MUSK: variants seen among roughly 807,000 people sequenced by gnomAD.
The protein encoded by MUSK is muscle associated receptor tyrosine kinase.
A neutral mutation model predicts 88.7 loss-of-function variants in MUSK; 55 were observed. That is an observed-to-expected ratio of 0.62 (90% CI 0.50 to 0.78). The LOEUF (loss-of-function observed/expected upper bound fraction) is 0.78, where lower values mean the gene tolerates loss of function less well. Among genes scored for constraint, MUSK ranks in the 30% least tolerant of loss-of-function variants. The pLI, the probability that MUSK is intolerant of heterozygous loss-of-function variation, is 0.00. For missense variants in MUSK, 1,015 were observed against 1,074.3 expected (o/e 0.94, Z 0.77); for synonymous variants, 387 against 391.9 (o/e 0.99, Z 0.15).
chr9:110,789,473 A>C (rs1356495530), intron 14 of MUSK, among the ~76,000 whole-genome samples: 1 of 152,166 alleles, frequency 6.6e-6, no homozygotes, highest in Non-Finnish European at 1.5e-5. Context: ...AGAGAGTGGG[A>C]ATTCATTTAA....
rs1391906131 is a variant in MUSK at position 110,802,706 on chromosome 9, G to T, written c.*1718G>T. On this transcript the variant is annotated 3_prime_UTR_variant, in exon 15 of 15. Coordinates refer to ENST00000374448, the MANE Select transcript of MUSK (RefSeq NM_005592.4). ...ACATCCTCTTCCCTTCAACCCAAGA[G>T]CCAATGACTCAACCTCTACCGTTGC... 6.6e-6 allele frequency among the ~76,000 whole-genome samples: 1 copy of T among 152,108 alleles called. No homozygotes were observed. The highest frequency in any genetic ancestry group is 2.4e-5 in the African/African-American group (1 of 41,412).
chr9:110,789,516 C>T (rs1480636274), intron 14 of MUSK, among the ~76,000 whole-genome samples: 3 of 152,154 alleles, frequency 2.0e-5, no homozygotes, highest in Admixed American at 6.5e-5. Flanking sequence ...CTGTGGCTCA[C>T]GCCTGTAATT....
At chr9:110,762,176 G>A (rs1166038537) in intron 7 of MUSK, 26 bp from the exon 8 acceptor site, 1 of 1,434,196 alleles carries the variant, frequency 7.0e-7, no homozygotes, top group Admixed American at 2.3e-5. Context: ...TTGACTTCCT[G>A]TGGGAACTTC....
At chr9:110,678,605 T>G (rs1391545205) in intron 1 of MUSK, among the ~76,000 whole-genome samples, 1 of 152,202 alleles carries the variant, frequency 6.6e-6, no homozygotes, top group Admixed American at 6.5e-5. Flanking sequence ...CACCCTTTAC[T>G]ACATGTGAAC....
At chr9:110,738,570 C>T (rs1218131684) in intron 6 of MUSK, among the ~76,000 whole-genome samples, 1 of 152,166 alleles carries the variant, frequency 6.6e-6, no homozygotes, top group African/African-American at 2.4e-5. Flanking sequence ...TTCCTCCCTT[C>T]TCAGGGATAT....
chr9:110,746,656 G>A (rs1489232444), intron 6 of MUSK, among the ~76,000 whole-genome samples: 1 of 152,168 alleles, frequency 6.6e-6, no homozygotes, highest in Non-Finnish European at 1.5e-5. Context: ...AAGGACATTT[G>A]ATTTTCTGGT....
At chr9:110,738,807 T>C (rs1046048010) in intron 6 of MUSK, among the ~76,000 whole-genome samples, 1 of 152,164 alleles carries the variant, frequency 6.6e-6, no homozygotes, top group Non-Finnish European at 1.5e-5. Flanking sequence ...CTTACCCTCA[T>C]AGACCTATTC....
rs1395289073 is a variant in MUSK at position 110,800,534 on chromosome 9, G to GT, written c.2157dup (p.Lys720Ter). ...GCTGGCATGGCTTACCTCTCAGAAC[G>GT]TAAGTTTGTTCACCGAGATTTAGCC... is the stretch of plus-strand genomic sequence containing the variant. On this transcript the variant is annotated frameshift_variant, in exon 15 of 15. Transcript: ENST00000374448. LOFTEE classifies it high-confidence loss of function. 1 of 1,613,682 alleles carries GT rather than the reference G, an allele frequency of 6.2e-7. No homozygotes were observed. The highest frequency in any genetic ancestry group is 1.7e-5 in the Admixed American group (1 of 60,002).
intron 1 of MUSK, among the ~76,000 whole-genome samples, chr9:110,682,059 C>G (rs1212043716): frequency 6.6e-6 from 1 of 152,028 alleles, no homozygotes; most frequent in Non-Finnish European, 1.5e-5. Context: ...GTGCGCTTTA[C>G]CCATTAAAGT....
At chr9:110,771,161 CTTTTTTTTTTTTTTT>C (rs34185224) in intron 9 of MUSK, among the ~76,000 whole-genome samples, 1 of 96,434 alleles carries the variant, frequency 1.0e-5, no homozygotes, top group Admixed American at 1.4e-4. Flanking sequence ...TCATTTCCTT[CTTTTTTTTTTTTTTT>C]TTTTTTTGTC....
At position 110,687,127 on chromosome 9, in the gene MUSK, AC is replaced by A; in HGVS notation, c.220del (p.Arg74GlyfsTer14). The A allele has an allele frequency of 6.2e-7, 1 of 1,613,200 alleles. No individual in the cohort carries two copies. Among genetic ancestry groups the A allele is most frequent in the Non-Finnish European group, 8.5e-7 (1 of 1,179,498 alleles). On this transcript the variant is annotated frameshift_variant, in exon 3 of 15. Coordinates refer to ENST00000374448, the MANE Select transcript of MUSK (RefSeq NM_005592.4). LOFTEE classifies it high-confidence loss of function. Reference protein sequence around the residue: ...RNKILIKLFDTRYSIRENGQL... With the variant: ...RNKILIKLFDXRYSIRENGQL... ...TTCTGTGACCTGCAGACTCTTTGAC[AC>A]CCGGTACAGCATCCGGGAGAATGGG...
In MUSK at chr9:110,681,041, TA is replaced by T. The variant is rs1564209419; in HGVS notation, c.80-1631del. 1.3e-3 allele frequency among the ~76,000 whole-genome samples: 54 copies of T among 40,324 alleles called. 7 individuals are homozygous for T. The highest frequency in any genetic ancestry group is 6.2e-3 in the African/African-American group (35 of 5,632). The allele number at this position is 40,324 out of a possible 152,430, so 26.5% of individuals were successfully genotyped here. A position where few individuals can be genotyped will look rare whatever the true frequency, so the allele number is the denominator to read the frequency against. On this transcript the variant is annotated intron_variant, in intron 1 of 14. Transcript: ENST00000374448. The stretch of plus-strand genomic sequence containing the variant: ...TATATATTATATATTATATATTATA[TA>T]ATATATATTATATATTATATATATA...
chr9:110,723,437 T>C (rs1405583043), intron 5 of MUSK, among the ~76,000 whole-genome samples: 1 of 151,936 alleles, frequency 6.6e-6, no homozygotes, highest in East Asian at 1.9e-4. Flanking sequence ...TGCAAAGGCA[T>C]AAGAACGACA....
chr9:110,771,994 T>C (rs1473771494), intron 9 of MUSK, among the ~76,000 whole-genome samples: 2 of 151,872 alleles, frequency 1.3e-5, no homozygotes, highest in Admixed American at 6.6e-5. Flanking sequence ...CATTTCATTT[T>C]ATTATATTTA....
At chr9:110,797,106 T>TA (rs1197630117) in intron 14 of MUSK, among the ~76,000 whole-genome samples, 4 of 46,282 alleles carry the variant, frequency 8.6e-5, no homozygotes, top group Non-Finnish European at 1.2e-4. Context: ...CCCTAAAACT[T>TA]AGAGTATAAC....
At chr9:110,697,290 A>T in intron 4 of MUSK, 35 bp from the exon 5 acceptor site, 1 of 1,610,768 alleles carries the variant, frequency 6.2e-7, no homozygotes, top group South Asian at 1.1e-5. Context: ...ATAGACCCAT[A>T]AACATTTTTG....
chr9:110,705,454 AG>A (rs1403868085), intron 5 of MUSK, among the ~76,000 whole-genome samples: 13 of 152,204 alleles, frequency 8.5e-5, no homozygotes, highest in African/African-American at 3.1e-4. Context: ...GAGGAAGTGA[AG>A]GGGGTCAGAG....
chr9:110,736,734 A>G (rs2077034115), intron 6 of MUSK, among the ~76,000 whole-genome samples: 1 of 152,042 alleles, frequency 6.6e-6, no homozygotes, highest in South Asian at 2.1e-4. Flanking sequence ...TTTGTATAAA[A>G]ATATCAGGAA....
intron 5 of MUSK, among the ~76,000 whole-genome samples, chr9:110,701,010 T>C (rs755962763): frequency 5.9e-5 from 9 of 152,200 alleles, no homozygotes; most frequent in Non-Finnish European, 1.0e-4. Flanking sequence ...ATAAGTATGA[T>C]GGATGGAATT....
Sources: gnomAD v4.1 joint callset for allele counts (sites outside exome capture counted in the v4.1 genomes callset) on GRCh38, gnomAD v4.1.1 for gene constraint, MANE v1.5 for transcripts, NCBI Gene and HGNC (gene_info 2026-07-23, HGNC 2026-07-21) for gene names.